DNAJC2: variants seen among roughly 807,000 people sequenced by gnomAD.
DNAJC2 encodes dnaJ homolog subfamily C member 2.
In DNAJC2, 32 loss-of-function variants were observed where a neutral mutation model predicts 94.0. The observed-to-expected ratio is 0.34, with a 90% CI of 0.26 to 0.46. The LOEUF (loss-of-function observed/expected upper bound fraction) is 0.46. Ranked by LOEUF, DNAJC2 falls within the 20% of genes least tolerant of loss-of-function variation. DNAJC2 has a pLI of 1.00. For missense variants in DNAJC2, 550 were observed against 719.5 expected, an observed-to-expected ratio of 0.76 and a Z score of 2.69; for synonymous variants, 210 against 229.7, an observed-to-expected ratio of 0.91 and a Z score of 0.77.
intron 3 of DNAJC2, among the ~76,000 whole-genome samples, chr7:103,334,247 G>C (rs145821916): frequency 6.6e-6 from 1 of 151,476 alleles, no homozygotes; most frequent in Admixed American, 6.6e-5. Context: ...CACTGTGCCC[G>C]GCCTGTTGTG....
chr7:103,322,423 T>G (rs1818470937), intron 9 of DNAJC2, 88 bp downstream of exon 9: 1 of 1,264,684 alleles, frequency 7.9e-7, no homozygotes, highest in Admixed American at 2.8e-5. Flanking sequence ...CGAATTATAG[T>G]TTTTTTTAAA....
At chr7:103,316,710 C>T (rs571154372) in intron 13 of DNAJC2, 120 bp downstream of exon 13, 2 of 855,900 alleles carry the variant, frequency 2.3e-6, no homozygotes, top group Admixed American at 2.6e-5. Flanking sequence ...CACTTTTCTG[C>T]TGTGGCACAG....
At position 103,312,343 on chromosome 7, in the gene DNAJC2, T is replaced by C. The variant is rs1817791643; in HGVS notation, c.*226A>G. 2 of 1,581,174 alleles carry C rather than the reference T, an allele frequency of 1.3e-6. No homozygotes were observed. The highest frequency in any genetic ancestry group is 1.4e-5 in the African/African-American group (1 of 73,632). ...AGCTAGAGAAAAATAAAAATGAACA[T>C]GTATATACATTTGGAAATTTGAATT... On this transcript the variant is annotated 3_prime_UTR_variant, in exon 17 of 17. Coordinates refer to ENST00000379263, the MANE Select transcript of DNAJC2 (RefSeq NM_014377.3).
intron 15 of DNAJC2, chr7:103,313,961 C>T (rs914178985): frequency 1.1e-5 from 11 of 985,202 alleles, no homozygotes; most frequent in African/African-American, 1.7e-5. Flanking sequence ...CTAGAAACTG[C>T]GGCCTGTGAG....
At chr7:103,315,611 G>A (rs533236600) in intron 15 of DNAJC2, among the ~76,000 whole-genome samples, 153 bp downstream of exon 15, 1 of 152,200 alleles carries the variant, frequency 6.6e-6, no homozygotes, top group African/African-American at 2.4e-5. Flanking sequence ...GTTAGGTGAA[G>A]TAAATCTTTG....
chr7:103,344,289 C>G, intron 1 of DNAJC2: 1 of 530,788 alleles, frequency 1.9e-6, no homozygotes. Flanking sequence ...GGGTTCCGTC[C>G]CGAAATGCTC....
chr7:103,327,347 G>T, intron 4 of DNAJC2: 1 of 1,298,386 alleles, frequency 7.7e-7, no homozygotes, highest in Non-Finnish European at 1.0e-6. Flanking sequence ...TTAACTGTAG[G>T]ATGAGCTTCT....
intron 3 of DNAJC2, chr7:103,329,051 A>C (rs138274059): frequency 2.5e-6 from 3 of 1,177,380 alleles, no homozygotes; most frequent in South Asian, 2.9e-5. Context: ...CAGTACGTCT[A>C]ATTATTTAAA....
At chr7:103,321,787 G>GCCTC (rs1355856922) in intron 10 of DNAJC2, 145 bp downstream of exon 10, 2 of 831,892 alleles carry the variant, frequency 2.4e-6, no homozygotes, top group African/African-American at 3.5e-5. Flanking sequence ...GGCGGAAATT[G>GCCTC]CGGTGAACTG....
chr7:103,325,093 T>C (rs1172784483), intron 5 of DNAJC2, among the ~76,000 whole-genome samples: 2 of 152,236 alleles, frequency 1.3e-5, no homozygotes, highest in African/African-American at 4.8e-5. Flanking sequence ...TTTTCTACTC[T>C]GTGAAATCAT....
Position 103,344,682 on chromosome 7 carries a change from AG to A in DNAJC2, c.-61del, listed in dbSNP as rs1819534690. 2 of 1,565,076 alleles carry A rather than the reference AG, an allele frequency of 1.3e-6. No homozygotes were observed. The highest frequency in any genetic ancestry group is 1.7e-6 in the Non-Finnish European group (2 of 1,149,518). On this transcript the variant is annotated 5_prime_UTR_variant, in exon 1 of 17. Coordinates refer to ENST00000379263, the MANE Select transcript of DNAJC2 (RefSeq NM_014377.3). ...CTCACGTCCCGGGCGGAGGGCGCTT[AG>A]GGTCCCCTCCAGCTCTACCTCTCAC...
At chr7:103,328,353 G>A (rs1818817346) in intron 3 of DNAJC2, among the ~76,000 whole-genome samples, 1 of 151,954 alleles carries the variant, frequency 6.6e-6, no homozygotes, top group African/African-American at 2.4e-5. Context: ...GGTGTAGGCT[G>A]GGCATGGTGG....
rs769112571 is a variant in DNAJC2, at chr7:103,324,584, T to G, written c.573-22A>C. ...CCATCTGAAATATCAAAGGAAATAT[T>G]CTTACAATTCTTCAAAAATTATGTA... On this transcript the variant is annotated intron_variant, in intron 5 of 16. Coordinates refer to ENST00000379263, the MANE Select transcript of DNAJC2 (RefSeq NM_014377.3). The G allele has an allele frequency of 2.1e-6, 3 of 1,428,716 alleles. No individual in the cohort carries two copies. In the South Asian group the frequency reaches 4.2e-5, roughly 20 times the overall value. 88.5% of individuals were successfully genotyped at this position (1,428,716 alleles called of 1,614,324 possible).
chr7:103,338,488 G>A (rs1563474099), intron 2 of DNAJC2, among the ~76,000 whole-genome samples: 1 of 151,132 alleles, frequency 6.6e-6, no homozygotes, highest in Non-Finnish European at 1.5e-5. Flanking sequence ...GTAGAGACAG[G>A]GTTTCACCTT....
intron 3 of DNAJC2, chr7:103,335,337 T>C (rs1181758056): frequency 6.6e-6 from 1 of 152,196 alleles, no homozygotes; most frequent in South Asian, 2.1e-4. Flanking sequence ...CAGAAAGCAA[T>C]GAGTAGCAAC....
chr7:103,342,632 G>A (rs909112044), intron 1 of DNAJC2, among the ~76,000 whole-genome samples: 4 of 142,182 alleles, frequency 2.8e-5, no homozygotes, highest in African/African-American at 7.9e-5. Flanking sequence ...TTTTTGGGAC[G>A]GAGTCTTGCT....
chr7:103,322,654 C>A, intron 8 of DNAJC2, 22 bp from the exon 9 acceptor site: 1 of 1,612,994 alleles, frequency 6.2e-7, no homozygotes. Context: ...AAAAGTTAAT[C>A]TCATTTTGAA....
intron 5 of DNAJC2, 138 bp from the exon 6 acceptor site, chr7:103,324,700 G>GTGA: frequency 1.1e-6 from 1 of 879,334 alleles, no homozygotes; most frequent in East Asian, 3.8e-5. Flanking sequence ...ACAACTCGAA[G>GTGA]ATGGAGCTGG....
In DNAJC2 at chr7:103,339,520, AC is replaced by A. The variant is rs201282228; in HGVS notation, c.256-1710del. On this transcript the variant is annotated intron_variant, in intron 2 of 16. Transcript: ENST00000379263. ...ATCACTTCCTAATCACTCTTCATTC[AC>A]TGTAATCTCTTGCCTTCCCGATCAT... 8.2e-3 allele frequency among the ~76,000 whole-genome samples: 1,254 copies of A among 152,022 alleles called. 13 individuals are homozygous for A. Among genetic ancestry groups the A allele is most frequent in the African/African-American group, 0.028 (1,173 of 41,434 alleles).
Sources: gnomAD v4.1 joint callset for allele counts (sites outside exome capture counted in the v4.1 genomes callset) on GRCh38, gnomAD v4.1.1 for gene constraint, MANE v1.5 for transcripts, NCBI Gene and HGNC (gene_info 2026-07-23, HGNC 2026-07-21) for gene names.